Variants in GPC5 observed in about 807,000 individuals in gnomAD.
GPC5 encodes the protein glypican 5.
GPC5 carries 47 observed loss-of-function variants against 53.9 expected under a neutral mutation model. The observed-to-expected ratio is 0.87, with a 90% confidence interval of 0.69 to 1.11. GPC5 has a LOEUF of 1.11. GPC5 is among the 50% of genes most tolerant of loss of function. The probability of loss-of-function intolerance (pLI) is 0.00; values close to 1 mark genes in which losing one functional copy is unlikely to be tolerated. For synonymous variants in GPC5, 286 were observed against 263.3 expected (o/e 1.09, Z -0.84); for missense variants, 748 against 713.1 (o/e 1.05, Z -0.56).
intron 5 of GPC5, among the ~76,000 whole-genome samples, chr13:91,856,726 G>A (rs987064403): frequency 6.6e-6 from 1 of 151,092 alleles, no homozygotes; most frequent in East Asian, 1.9e-4. Context: ...ATCCTAGTCT[G>A]CAGCTTGCTG....
At chr13:91,972,695 G>T (rs932999548) in intron 6 of GPC5, among the ~76,000 whole-genome samples, 1 of 152,124 alleles carries the variant, frequency 6.6e-6, no homozygotes, top group African/African-American at 2.4e-5. Context: ...TTGCTTGTCT[G>T]TAAAGTATTT....
In GPC5 at chr13:92,302,066, A is replaced by G. The variant is rs1319304748; in HGVS notation, c.1561+157077A>G. 2.0e-5 allele frequency among the ~76,000 whole-genome samples: 3 copies of G among 152,322 alleles called. No individual in the cohort carries two copies. The East Asian group carries it at 5.8e-4, about 29-fold the overall frequency. On this transcript the variant is annotated intron_variant, in intron 7 of 7. Coordinates refer to ENST00000377067, the MANE Select transcript of GPC5 (RefSeq NM_004466.6). ...TTATTCTTAAGCCAGTTGAATATATATAATGCAGTAGAGAAGTAGATCTAC... is the reference window on the plus strand; with the variant it reads ...TTATTCTTAAGCCAGTTGAATATATGTAATGCAGTAGAGAAGTAGATCTAC...
chr13:91,910,342 C>T (rs2039597905), intron 6 of GPC5, among the ~76,000 whole-genome samples: 2 of 152,238 alleles, frequency 1.3e-5, no homozygotes, highest in South Asian at 2.1e-4. Flanking sequence ...AATAGCCTTC[C>T]GTAAGTGAGA....
intron 2 of GPC5, among the ~76,000 whole-genome samples, chr13:91,517,131 C>T (rs1006794842): frequency 1.3e-5 from 2 of 152,148 alleles, no homozygotes; most frequent in Non-Finnish European, 2.9e-5. Flanking sequence ...AGATTAGGCT[C>T]CTTGCTACTT....
intron 3 of GPC5, among the ~76,000 whole-genome samples, chr13:91,725,859 T>C (rs1490907600): frequency 2.0e-5 from 3 of 152,140 alleles, no homozygotes; most frequent in Non-Finnish European, 2.9e-5. Context: ...AAAACTAAGA[T>C]ACATAGAAGT....
At chr13:91,482,845 C>T (rs1883379423) in intron 2 of GPC5, among the ~76,000 whole-genome samples, 1 of 149,612 alleles carries the variant, frequency 6.7e-6, no homozygotes, top group South Asian at 2.1e-4. Context: ...TTTCGTGACT[C>T]TTGCATATGA....
chr13:92,050,703 T>C (rs899031159), intron 6 of GPC5, among the ~76,000 whole-genome samples: 1 of 152,242 alleles, frequency 6.6e-6, no homozygotes, highest in Non-Finnish European at 1.5e-5. Flanking sequence ...GTGTTTTTCC[T>C]GAAGTGTAAA....
intron 7 of GPC5, among the ~76,000 whole-genome samples, chr13:92,173,682 G>A (rs901523070): frequency 6.6e-6 from 1 of 152,152 alleles, no homozygotes. Context: ...TGTGTGCCAC[G>A]TCTCACATTC....
intron 7 of GPC5, among the ~76,000 whole-genome samples, chr13:92,733,258 T>C (rs557800728): frequency 6.6e-6 from 1 of 151,874 alleles, no homozygotes; most frequent in East Asian, 1.9e-4. Flanking sequence ...AAACTCAATG[T>C]TGTGCTTGTC....
intron 2 of GPC5, among the ~76,000 whole-genome samples, chr13:91,623,638 A>G (rs1288583152): frequency 6.6e-6 from 1 of 152,118 alleles, no homozygotes; most frequent in Non-Finnish European, 1.5e-5. Flanking sequence ...AACTACATAT[A>G]TGGGCTGCAT....
chr13:91,402,961 A>G (rs1239049575), intron 1 of GPC5, among the ~76,000 whole-genome samples: 3 of 152,194 alleles, frequency 2.0e-5, no homozygotes, highest in African/African-American at 7.2e-5. Flanking sequence ...GCCCATAACC[A>G]CTGTCTCCAC....
intron 7 of GPC5, among the ~76,000 whole-genome samples, chr13:92,316,955 A>G (rs1359443998): frequency 6.6e-6 from 1 of 152,162 alleles, no homozygotes; most frequent in East Asian, 1.9e-4. Context: ...ATAACGTGCT[A>G]ATGAACTGTT....
At chr13:92,259,949 G>T (rs1383375997) in intron 7 of GPC5, among the ~76,000 whole-genome samples, 1 of 152,116 alleles carries the variant, frequency 6.6e-6, no homozygotes, top group Non-Finnish European at 1.5e-5. Flanking sequence ...CCCAAATCTC[G>T]TAGGGACAGG....
rs114520553 is a variant in GPC5, at chr13:92,678,105, A to G, written c.1562-188177A>G. Among the ~76,000 whole-genome samples the G allele has an allele frequency of 8.8e-3, 1,345 of 152,318 alleles. 21 individuals carry two copies. Among genetic ancestry groups the G allele is most frequent in the African/African-American group, 0.031 (1,277 of 41,574 alleles). ...GAAAAATTCTTGACCGTAATTTTAC[A>G]TATAATTCTTTTATTCAACAAATGT... On this transcript the variant is annotated intron_variant, in intron 7 of 7. Coordinates refer to ENST00000377067, the MANE Select transcript of GPC5 (RefSeq NM_004466.6).
intron 4 of GPC5, among the ~76,000 whole-genome samples, chr13:91,737,956 G>C (rs1414760656): frequency 6.6e-6 from 1 of 151,222 alleles, no homozygotes; most frequent in Non-Finnish European, 1.5e-5. Context: ...CAAAAATATG[G>C]GGCTTAAGGA....
At chr13:92,261,224 A>AT (rs992975947) in intron 7 of GPC5, among the ~76,000 whole-genome samples, 10 of 152,234 alleles carry the variant, frequency 6.6e-5, no homozygotes, top group Admixed American at 2.0e-4. Context: ...TAATTTTGTG[A>AT]TTTTTTGTTC....
At chr13:92,031,788 C>CATATTATATATAATATATAATATATTAA (rs2040849057) in intron 6 of GPC5, among the ~76,000 whole-genome samples, 1 of 72,534 alleles carries the variant, frequency 1.4e-5, no homozygotes, top group African/African-American at 6.3e-5. Flanking sequence ...TAATATATTA[C>CATATTATATATAATATATAATATATTAA]ATATTATATA....
rs2029948831 is a variant in GPC5, at chr13:91,541,806, A to ATATAATTAATACACT, written c.325+92884_325+92885insTATAATTAATACACT. On this transcript the variant is annotated intron_variant, in intron 2 of 7. Coordinates refer to ENST00000377067, the MANE Select transcript of GPC5 (RefSeq NM_004466.6). Reference sequence around the variant, plus strand: ...TAAAGAGTAATATGTTAATACACTGAGAACTTCCATATTAATTAATAATAA... The same window carrying ATATAATTAATACACT: ...TAAAGAGTAATATGTTAATACACTGATATAATTAATACACTGAACTTCCATATTAATTAATAATAA... Among the ~76,000 whole-genome samples, 7 of 149,822 alleles carry ATATAATTAATACACT rather than the reference A, an allele frequency of 4.7e-5. No individual in the cohort carries two copies. The South Asian group carries it at 1.5e-3, about 32-fold the overall frequency.
intron 5 of GPC5, among the ~76,000 whole-genome samples, chr13:91,837,563 G>A (rs2038735581): frequency 6.6e-6 from 1 of 152,112 alleles, no homozygotes; most frequent in Non-Finnish European, 1.5e-5. Flanking sequence ...TAACCACAAA[G>A]AGGCTCTAGC....
Sources: gnomAD v4.1 joint callset for allele counts (sites outside exome capture counted in the v4.1 genomes callset) on GRCh38, gnomAD v4.1.1 for gene constraint, MANE v1.5 for transcripts, NCBI Gene and HGNC (gene_info 2026-07-23, HGNC 2026-07-21) for gene names.